The following ANK1 variants were observed in gnomAD, a reference collection of about 807,000 sequenced individuals.
ANK1 encodes ankyrin-1.
A neutral mutation model predicts 210.4 loss-of-function variants in ANK1; 51 were observed. The observed-to-expected ratio is 0.24, with a 90% CI of 0.19 to 0.31. The LOEUF (loss-of-function observed/expected upper bound fraction) is 0.31, where lower values mean the gene tolerates loss of function less well. ANK1 is among the 10% of genes least tolerant of loss of function. The probability of loss-of-function intolerance (pLI) is 1.00; values close to 1 mark genes in which losing one functional copy is unlikely to be tolerated. For missense variants in ANK1, 2,051 were observed against 2,504.4 expected, an observed-to-expected ratio of 0.82 and a Z score of 3.86; for synonymous variants, 967 against 1,025.9, an observed-to-expected ratio of 0.94 and a Z score of 1.10.
At chr8:41,766,734 G>T (rs1841876695) in intron 1 of ANK1, among the ~76,000 whole-genome samples, 1 of 152,214 alleles carries the variant, frequency 6.6e-6, no homozygotes, top group Non-Finnish European at 1.5e-5. Context: ...GCTAAAATGG[G>T]GATCTTGCCA....
At position 41,859,429 on chromosome 8, in the gene ANK1, C is replaced by G. The variant is rs192073665; in HGVS notation, c.126+36926G>C. 7.5e-3 allele frequency among the ~76,000 whole-genome samples: 1,146 copies of G among 152,344 alleles called. 15 individuals are homozygous for G. Among genetic ancestry groups the G allele is most frequent in the African/African-American group, 0.026 (1,096 of 41,572 alleles). On this transcript the variant is annotated intron_variant, in intron 1 of 42. Coordinates refer to the ANK1 transcript ENST00000265709. Reference sequence around the variant, plus strand: ...TGACATGATCTTGGCTCACTGCAACCTCCACTTCCCGGGTTCAAGTGATTC... The same window carrying G: ...TGACATGATCTTGGCTCACTGCAACGTCCACTTCCCGGGTTCAAGTGATTC...
intron 20 of ANK1, among the ~76,000 whole-genome samples, chr8:41,703,450 A>ATATATATATATATATTTTTTTTTTTTT: frequency 1.7e-5 from 1 of 58,818 alleles, no homozygotes; most frequent in African/African-American, 9.0e-5. Flanking sequence ...ATATATATAT[A>ATATATATATATATATTTTTTTTTTTTT]TTTTTTTTTT....
At chr8:41,885,401 T>C (rs370987425) in intron 1 of ANK1, among the ~76,000 whole-genome samples, 4 of 152,250 alleles carry the variant, frequency 2.6e-5, no homozygotes, top group African/African-American at 9.6e-5. Flanking sequence ...ACAATATTTT[T>C]TTGAAAAGAC....
rs1275364985 is a variant in ANK1, at chr8:41,797,432, C to A, written c.27+80G>T. The A allele has an allele frequency of 2.2e-6, 3 of 1,341,852 alleles. No homozygotes were observed. The highest frequency in any genetic ancestry group is 1.3e-5 in the South Asian group (1 of 79,952). The allele number at this position is 1,341,852 out of a possible 1,614,324, so 83.1% of individuals were successfully genotyped here. Reference sequence around the variant, plus strand: ...TGGGGTGTGCAAAGCTGCTCTTGCTCGCGTGCTGCCTACTGGCGCGGCCTG... The same window carrying A: ...TGGGGTGTGCAAAGCTGCTCTTGCTAGCGTGCTGCCTACTGGCGCGGCCTG... On this transcript the variant is annotated intron_variant, in intron 1 of 42. Transcript: ENST00000289734. The surrounding 1 kb of genome is among the most constrained non-coding windows in gnomAD (Gnocchi z 4.0).
intron 26 of ANK1, among the ~76,000 whole-genome samples, chr8:41,696,047 T>C (rs975117990): frequency 6.6e-6 from 1 of 152,226 alleles, no homozygotes; most frequent in African/African-American, 2.4e-5. Context: ...AGAGTTGTTT[T>C]TTTGGTTTTG....
At chr8:41,662,161 G>T (rs1198241296) in intron 40 of ANK1, among the ~76,000 whole-genome samples, 1 of 152,118 alleles carries the variant, frequency 6.6e-6, no homozygotes, top group African/African-American at 2.4e-5. Context: ...GGAGGCTGTG[G>T]CAGGAGAATC....
rs1815181655 is a variant in ANK1 at position 41,679,342 on chromosome 8, AG to A, written c.4537+5201del. Among the ~76,000 whole-genome samples the A allele has an allele frequency of 1.3e-5, 2 of 152,126 alleles. 1 individual carries two copies. Among genetic ancestry groups the A allele is most frequent in the South Asian group, 4.1e-4 (2 of 4,824 alleles). ...TTGCATTTTGCTTTCAAATTTTATC[AG>A]GGAGGACTGGAGCTTTGGGGGTTAA... On this transcript the variant is annotated intron_variant, in intron 37 of 42. Coordinates refer to ENST00000289734, the MANE Select transcript of ANK1 (RefSeq NM_000037.4).
intron 1 of ANK1, among the ~76,000 whole-genome samples, chr8:41,840,621 G>A (rs1808711790): frequency 6.6e-6 from 1 of 152,202 alleles, no homozygotes; most frequent in South Asian, 2.1e-4. Flanking sequence ...ACTACTGAGA[G>A]GGGAAGCTCT....
At chr8:41,862,825 C>A (rs1346201454) in intron 1 of ANK1, among the ~76,000 whole-genome samples, 3 of 151,582 alleles carry the variant, frequency 2.0e-5, no homozygotes, top group African/African-American at 7.3e-5. Context: ...GCCTGGGCAA[C>A]ATGGCAAGAC....
Position 41,764,297 on chromosome 8 carries a change from G to A in ANK1, c.28-6160C>T, listed in dbSNP as rs2150723618. 2.6e-5 allele frequency among the ~76,000 whole-genome samples: 4 copies of A among 152,210 alleles called. 1 individual carries two copies. The South Asian group carries it at 8.3e-4, about 32-fold the overall frequency. ...CTCATCTTTACCATCGTGTTCTGCT[G>A]AGCCCCTACTGCCCATCTGTGTAGT... is the stretch of plus-strand genomic sequence containing the variant. On this transcript the variant is annotated intron_variant, in intron 1 of 42. Transcript: ENST00000289734.
chr8:41,773,549 G>A (rs1432858215), intron 1 of ANK1, among the ~76,000 whole-genome samples: 1 of 152,160 alleles, frequency 6.6e-6, no homozygotes, highest in African/African-American at 2.4e-5. Context: ...GGCTTTGGTG[G>A]AATTCGACTC....
intron 1 of ANK1, among the ~76,000 whole-genome samples, chr8:41,784,593 A>G (rs1438918028): frequency 6.6e-6 from 1 of 152,246 alleles, no homozygotes; most frequent in Non-Finnish European, 1.5e-5. Flanking sequence ...ACTTTTTATC[A>G]TGCATGTATA....
At chr8:41,845,237 T>A (rs911243991) in intron 1 of ANK1, among the ~76,000 whole-genome samples, 11 of 151,908 alleles carry the variant, frequency 7.2e-5, no homozygotes, top group African/African-American at 2.7e-4. Flanking sequence ...TACAAAAAAT[T>A]AGCCGGGCAT....
chr8:41,763,889 C>CTTTTTTTTT (rs869100297), intron 1 of ANK1, among the ~76,000 whole-genome samples: 3,268 of 58,162 alleles, frequency 0.056, 40 homozygotes, highest in East Asian at 0.099. Flanking sequence ...TTCTTTTTTT[C>CTTTTTTTTT]TTTTTTTTTT....
intron 2 of ANK1, among the ~76,000 whole-genome samples, chr8:41,748,010 T>G (rs1386039748): frequency 6.6e-6 from 1 of 152,178 alleles, no homozygotes; most frequent in African/African-American, 2.4e-5. Flanking sequence ...GTCTCAGTCC[T>G]GGGCTCTGAG....
intron 2 of ANK1, among the ~76,000 whole-genome samples, chr8:41,748,801 T>A (rs55818279): frequency 3.3e-5 from 5 of 152,160 alleles, no homozygotes; most frequent in South Asian, 2.1e-4. Flanking sequence ...TTTGGGAGGC[T>A]AAGGCGGGCA....
At chr8:41,767,891 C>T (rs545970527) in intron 1 of ANK1, among the ~76,000 whole-genome samples, 1 of 152,342 alleles carries the variant, frequency 6.6e-6, no homozygotes, top group East Asian at 1.9e-4. Flanking sequence ...CTATTTATGC[C>T]CCATAACCGA....
chr8:41,802,494 C>G (rs1437057574), upstream of ANK1, among the ~76,000 whole-genome samples: 1 of 152,174 alleles, frequency 6.6e-6, no homozygotes, highest in African/African-American at 2.4e-5. Context: ...AGAACTCTCT[C>G]CTATGATCCA....
At chr8:41,738,005 G>A (rs776351229) in intron 2 of ANK1, among the ~76,000 whole-genome samples, 2 of 152,132 alleles carry the variant, frequency 1.3e-5, no homozygotes, top group Non-Finnish European at 2.9e-5. Flanking sequence ...TAGGGAACAC[G>A]GATGCATAAA....
Sources: allele counts gnomAD v4.1 joint callset (sites outside exome capture counted in the v4.1 genomes callset), GRCh38; gene constraint gnomAD v4.1.1; non-coding constraint Gnocchi (gnomAD v3.1); transcripts MANE v1.5; gene names NCBI Gene and HGNC (gene_info 2026-07-23, HGNC 2026-07-21).